Variants in IL17RD observed in about 807,000 individuals in gnomAD.
IL17RD encodes interleukin-17 receptor D.
IL17RD carries 52 observed loss-of-function variants against 80.5 expected under a neutral mutation model. That is an observed-to-expected ratio of 0.65 (90% CI 0.52 to 0.81). IL17RD has a LOEUF of 0.81. Ranked by LOEUF, IL17RD falls within the 40% of genes least tolerant of loss-of-function variation. The probability of loss-of-function intolerance (pLI) is 0.00; values close to 1 mark genes in which losing one functional copy is unlikely to be tolerated. For synonymous variants in IL17RD, 416 were observed against 391.8 expected (o/e 1.06, Z -0.73); for missense variants, 1,024 against 955.1 (o/e 1.07, Z -0.95).
At chr3:57,166,197 G>C (rs2060347459), upstream of IL17RD, among the ~76,000 whole-genome samples, 1 of 152,096 alleles carries the variant, frequency 6.6e-6, no homozygotes. Flanking sequence ...CCTTTTATCT[G>C]AGCACCTAAA....
chr3:57,148,678 T>TA (rs1231909839), intron 1 of IL17RD, among the ~76,000 whole-genome samples: 1 of 152,134 alleles, frequency 6.6e-6, no homozygotes, highest in Admixed American at 6.5e-5. Context: ...CAAGCCAAGG[T>TA]AAAGGTCATG....
intron 10 of IL17RD, 64 bp downstream of exon 10, chr3:57,102,415 T>A: frequency 1.2e-6 from 1 of 859,428 alleles, no homozygotes. Context: ...CAGTCTCTCT[T>A]TCTCTTGGCA....
chr3:57,165,424 C>G, upstream of IL17RD: 1 of 623,950 alleles, frequency 1.6e-6, no homozygotes, highest in Non-Finnish European at 2.1e-6. Context: ...AGCCCGGGCC[C>G]CGCCCCCACC....
chr3:57,154,142 A>C (rs1450080870), intron 1 of IL17RD, among the ~76,000 whole-genome samples: 1 of 151,780 alleles, frequency 6.6e-6, no homozygotes, highest in Non-Finnish European at 1.5e-5. Flanking sequence ...CCAGCTACTC[A>C]GGAGACTGGG....
At chr3:57,117,085 A>C (rs1707233250) in intron 2 of IL17RD, among the ~76,000 whole-genome samples, 1 of 151,232 alleles carries the variant, frequency 6.6e-6, no homozygotes, top group African/African-American at 2.4e-5. Context: ...GTTTCTGTAA[A>C]TATAGTTATG....
chr3:57,109,881 A>G (rs554933198), intron 4 of IL17RD, among the ~76,000 whole-genome samples: 1 of 152,368 alleles, frequency 6.6e-6, no homozygotes, highest in East Asian at 1.9e-4. Flanking sequence ...CAAAGAACCC[A>G]TGGCTTGTTA....
intron 11 of IL17RD, among the ~76,000 whole-genome samples, chr3:57,099,690 T>A (rs1197029984): frequency 6.6e-6 from 1 of 152,232 alleles, no homozygotes; most frequent in Non-Finnish European, 1.5e-5. Flanking sequence ...ATACCAAGCA[T>A]TTTTTAAATG....
intron 1 of IL17RD, among the ~76,000 whole-genome samples, chr3:57,152,190 G>C (rs1003655303): frequency 1.3e-5 from 2 of 151,836 alleles, no homozygotes; most frequent in South Asian, 2.1e-4. Context: ...GCTGCCCCCC[G>C]CCCCCGACCA....
chr3:57,099,648 C>G (rs534297246), intron 11 of IL17RD, among the ~76,000 whole-genome samples: 3 of 152,320 alleles, frequency 2.0e-5, no homozygotes, highest in African/African-American at 7.2e-5. Flanking sequence ...TTCTTGTTAA[C>G]ATTACACATG....
rs1348095785 is a variant in IL17RD at position 57,157,670 on chromosome 3, A to G, written c.126+7491T>C. Among the ~76,000 whole-genome samples, 4 of 152,278 alleles carry G rather than the reference A, an allele frequency of 2.6e-5. No individual in the cohort carries two copies. In the East Asian group the frequency reaches 5.8e-4, roughly 22 times the overall value. On this transcript the variant is annotated intron_variant, in intron 1 of 12. Coordinates refer to ENST00000296318, the MANE Select transcript of IL17RD (RefSeq NM_017563.5). ...GGCGGACTGCTGCTACATTTGGTCC[A>G]TACTGCACTGCATTTTCCTCAGATA...
chr3:57,153,188 C>G (rs2060240785), intron 1 of IL17RD, among the ~76,000 whole-genome samples: 1 of 152,230 alleles, frequency 6.6e-6, no homozygotes, highest in Non-Finnish European at 1.5e-5. Context: ...ATGTGAAACA[C>G]TGCATTTTTA....
chr3:57,127,364 AAATATATATAT>A (rs1559477263), intron 1 of IL17RD, among the ~76,000 whole-genome samples: 3 of 77,998 alleles, frequency 3.8e-5, no homozygotes, highest in African/African-American at 1.6e-4. Flanking sequence ...ATATAAATAT[AAATATATATAT>A]ATAAATAAAT....
rs375415824 is a variant in IL17RD at position 57,157,617 on chromosome 3, C to T, written c.126+7544G>A. ...CACTCCAGAGGAAGGGGCCATAAAC[C>T]GTCACTCAACAGAGACCACGCTCAG... On this transcript the variant is annotated intron_variant, in intron 1 of 12. Coordinates refer to ENST00000296318, the MANE Select transcript of IL17RD (RefSeq NM_017563.5). Among the ~76,000 whole-genome samples, 78 of 152,364 alleles carry T rather than the reference C, an allele frequency of 5.1e-4. 2 individuals carry two copies. In the South Asian group the frequency reaches 0.016, roughly 31 times the overall value.
Position 57,093,285 on chromosome 3 carries a change from C to T in IL17RD, c.*3108G>A, listed in dbSNP as rs1197223097. ...AAATAAAAAAGACTAGTAACCTTCA[C>T]ATTGGCATTGCCCATTTCTCTTCAA... is the stretch of plus-strand genomic sequence containing the variant. On this transcript the variant is annotated 3_prime_UTR_variant, in exon 13 of 13. Transcript: ENST00000296318. 1 of 152,234 alleles carries T rather than the reference C, an allele frequency of 6.6e-6. No homozygotes were observed. Among genetic ancestry groups the T allele is most frequent in the Non-Finnish European group, 1.5e-5 (1 of 68,040 alleles). 9.4% of individuals were successfully genotyped at this position (152,234 alleles called of 1,614,324 possible).
intron 1 of IL17RD, among the ~76,000 whole-genome samples, chr3:57,154,426 C>A (rs1241333784): frequency 2.0e-5 from 3 of 151,950 alleles, no homozygotes; most frequent in African/African-American, 7.3e-5. Context: ...CCTGCTGCCC[C>A]CATTATCTAC....
rs1245932227 is a variant in IL17RD, at chr3:57,127,223, TATATATAAAA to T, written c.127-6920_127-6911del. On this transcript the variant is annotated intron_variant, in intron 1 of 12. Transcript: ENST00000296318. The stretch of plus-strand genomic sequence containing the variant: ...AAATATATATAAAAATATATATAAA[TATATATAAAA>T]ATATATAAATATATATATAAATATA... Among the ~76,000 whole-genome samples the T allele has an allele frequency of 3.8e-3, 440 of 116,104 alleles. 21 individuals are homozygous for T. Among genetic ancestry groups the T allele is most frequent in the African/African-American group, 0.017 (413 of 24,748 alleles). The allele number at this position is 116,104 out of a possible 152,430, so 76.2% of individuals were successfully genotyped here.
intron 1 of IL17RD, chr3:57,134,124 G>C (rs1180855567): frequency 1.6e-5 from 9 of 577,802 alleles, no homozygotes; most frequent in African/African-American, 9.3e-5. Flanking sequence ...TTTCGCTGCT[G>C]CGGCCACAGC....
chr3:57,163,794 G>C (rs1432791090), intron 1 of IL17RD, among the ~76,000 whole-genome samples: 2 of 81,030 alleles, frequency 2.5e-5, no homozygotes, highest in African/African-American at 8.5e-5. Context: ...GCGGGGGGGC[G>C]GGGGGGGAAG....
At chr3:57,152,837 AG>A (rs2060237672) in intron 1 of IL17RD, among the ~76,000 whole-genome samples, 1 of 152,246 alleles carries the variant, frequency 6.6e-6, no homozygotes, top group African/African-American at 2.4e-5. Flanking sequence ...ATACGTTTTT[AG>A]TAAAGTAGCC....
Sources: gnomAD v4.1 joint callset for allele counts (sites outside exome capture counted in the v4.1 genomes callset) on GRCh38, gnomAD v4.1.1 for gene constraint, MANE v1.5 for transcripts, NCBI Gene and HGNC (gene_info 2026-07-23, HGNC 2026-07-21) for gene names.